SRGN: variants seen among roughly 807,000 people sequenced by gnomAD.
The protein encoded by SRGN is hematopoetic proteoglycan core peptide.
In SRGN, 2 loss-of-function variants were observed where a neutral mutation model predicts 9.5. The observed-to-expected ratio is 0.21, with a 90% CI of 0.09 to 0.66. The LOEUF is 0.66. SRGN is among the 30% of genes least tolerant of loss of function. The pLI is 0.83. For synonymous variants in SRGN, 59 were observed against 72.3 expected, an observed-to-expected ratio of 0.82 and a Z score of 0.93; for missense variants, 170 against 192.4, an observed-to-expected ratio of 0.88 and a Z score of 0.69.
intron 1 of SRGN, among the ~76,000 whole-genome samples, chr10:69,090,323 G>A (rs757403311): frequency 2.0e-5 from 3 of 152,158 alleles, no homozygotes; most frequent in Non-Finnish European, 4.4e-5. Context: ...CTAGGCTTTT[G>A]GCTTGCTTTT....
chr10:69,099,136 T>C (rs1302870903), intron 2 of SRGN, among the ~76,000 whole-genome samples: 1 of 152,152 alleles, frequency 6.6e-6, no homozygotes, highest in African/African-American at 2.4e-5. Flanking sequence ...CAATGAATAC[T>C]AAAGCTATGT....
intron 2 of SRGN, among the ~76,000 whole-genome samples, chr10:69,100,778 C>T (rs538842291): frequency 2.6e-5 from 4 of 152,068 alleles, no homozygotes; most frequent in South Asian, 2.1e-4. Flanking sequence ...GAGGCAAGGA[C>T]GGGAGACTGA....
chr10:69,095,943 A>C (rs1279246669), intron 1 of SRGN, among the ~76,000 whole-genome samples: 1 of 119,962 alleles, frequency 8.3e-6, no homozygotes, highest in Admixed American at 8.8e-5. Flanking sequence ...TACATAAATA[A>C]ATCTCCTATA....
At chr10:69,100,969 T>TTTTTC (rs71035050) in intron 2 of SRGN, among the ~76,000 whole-genome samples, 66 of 148,958 alleles carry the variant, frequency 4.4e-4, no homozygotes, top group South Asian at 6.3e-4. Flanking sequence ...GGAAGTATTT[T>TTTTTC]TTTCTTTCTT....
chr10:69,094,223 C>T lies in SRGN; in HGVS notation c.80-2861C>T, dbSNP rs151142124. On this transcript the variant is annotated intron_variant, in intron 1 of 2. Coordinates refer to ENST00000242465, the MANE Select transcript of SRGN (RefSeq NM_002727.4). ...GCCTGCCTTATCCCCAGCCTCCAGG[C>T]AGTGGCAGAGTTAGCTCATTTTGGA... Among the ~76,000 whole-genome samples, 8 of 152,296 alleles carry T rather than the reference C, an allele frequency of 5.3e-5. No homozygotes were observed. The East Asian group carries it at 1.5e-3, about 29-fold the overall frequency.
At chr10:69,100,928 C>T (rs1840276448) in intron 2 of SRGN, among the ~76,000 whole-genome samples, 2 of 152,062 alleles carry the variant, frequency 1.3e-5, no homozygotes. Flanking sequence ...AAATAGACAA[C>T]CTCCTTCCAC....
chr10:69,103,941 T>C lies in SRGN; in HGVS notation c.298T>C (p.Ser100Pro), dbSNP rs548849729. The C allele has an allele frequency of 6.2e-7, 1 of 1,614,184 alleles. No homozygotes were observed. The highest frequency in any genetic ancestry group is 1.1e-5 in the South Asian group (1 of 91,082). ...SEDYSGSGFG[S>P]GSGSGSGSGS... ...GGACTACTCTGGATCAGGCTTCGGC[T>C]CCGGCTCCGGCTCTGGATCAGGATC... Residue 100 changes from serine to proline, a missense_variant, in exon 3 of 3, where the codon TCC becomes CCC. Physicochemically the swap from Ser to Pro is moderately conservative, Grantham distance 74. Transcript: ENST00000242465.
chr10:69,097,282 CGG>C (rs747588148), intron 2 of SRGN, 51 bp downstream of exon 2: 40 of 1,505,872 alleles, frequency 2.7e-5, no homozygotes, highest in Non-Finnish European at 1.8e-5. Flanking sequence ...TTATTTGAGA[CGG>C]AGTTTCACTT....
chr10:69,094,653 C>T (rs1840137111), intron 1 of SRGN, among the ~76,000 whole-genome samples: 2 of 152,078 alleles, frequency 1.3e-5, no homozygotes, highest in Admixed American at 1.3e-4. Context: ...GAAGTGCAGC[C>T]GTGCAATCTT....
At chr10:69,102,577 T>C (rs1038070521) in intron 2 of SRGN, among the ~76,000 whole-genome samples, 2 of 152,214 alleles carry the variant, frequency 1.3e-5, no homozygotes, top group Admixed American at 6.5e-5. Context: ...AAATGACTTG[T>C]AGGCTGTGAC....
intron 2 of SRGN, among the ~76,000 whole-genome samples, chr10:69,102,587 C>T (rs922419548): frequency 2.6e-5 from 4 of 152,152 alleles, no homozygotes; most frequent in Admixed American, 2.0e-4. Flanking sequence ...TAGGCTGTGA[C>T]ACTCAGCTTT....
At chr10:69,088,715 C>CT (rs111988454) in intron 1 of SRGN, among the ~76,000 whole-genome samples, 41 of 143,894 alleles carry the variant, frequency 2.8e-4, no homozygotes, top group African/African-American at 3.4e-4. Flanking sequence ...ATTTTCTTTT[C>CT]TTTTTTTTTT....
intron 2 of SRGN, among the ~76,000 whole-genome samples, chr10:69,097,711 G>A (rs186575644): frequency 4.1e-4 from 63 of 152,224 alleles, no homozygotes; most frequent in African/African-American, 1.4e-3. Context: ...ACAGGCGTGA[G>A]CCACTGCGCC....
upstream of SRGN, chr10:69,088,003 T>G (rs2132150095): frequency 1.1e-5 from 7 of 623,942 alleles, no homozygotes; most frequent in Non-Finnish European, 2.0e-5. Context: ...TGGGTTTTGA[T>G]GTGGATGTCT....
chr10:69,093,307 A>G (rs1196651934), intron 1 of SRGN, among the ~76,000 whole-genome samples: 1 of 152,240 alleles, frequency 6.6e-6, no homozygotes, highest in Non-Finnish European at 1.5e-5. Context: ...CATTGATGAT[A>G]TGTTAAAGGA....
chr10:69,090,486 A>C (rs1840029221), intron 1 of SRGN, among the ~76,000 whole-genome samples: 1 of 152,168 alleles, frequency 6.6e-6, no homozygotes, highest in Non-Finnish European at 1.5e-5. Context: ...GGCAGGGTCG[A>C]TCGCATTCTG....
Position 69,088,220 on chromosome 10 carries a change from G to A in SRGN, c.63G>A (p.Leu21=). The change falls in exon 1 of 3, where the codon CTG becomes CTA. Residue 21 remains leucine, a synonymous_variant. Transcript: ENST00000242465. ...TGGCTCTTGCCCTCATCCTGGTTCT[G>A]GAATCCTCAGTTCAAGGTAAGACTC... The part of the protein sequence containing the change: ...LVLALALILV[L]ESSVQGYPTR... 6.2e-7 allele frequency: 1 copy of A among 1,614,058 alleles called. No homozygotes were observed. The highest frequency in any genetic ancestry group is 1.1e-5 in the South Asian group (1 of 91,080).
At chr10:69,102,868 T>C (rs1840319581) in intron 2 of SRGN, among the ~76,000 whole-genome samples, 1 of 152,202 alleles carries the variant, frequency 6.6e-6, no homozygotes, top group Admixed American at 6.5e-5. Flanking sequence ...TTGTTAGAAC[T>C]TTTATGGAAA....
intron 2 of SRGN, among the ~76,000 whole-genome samples, chr10:69,103,328 A>C (rs1432781427): frequency 6.6e-6 from 1 of 151,788 alleles, no homozygotes; most frequent in Non-Finnish European, 1.5e-5. Context: ...GTGGTTCACA[A>C]GGTCAGGAGT....
Sources: gnomAD v4.1 joint callset for allele counts (sites outside exome capture counted in the v4.1 genomes callset) on GRCh38, gnomAD v4.1.1 for gene constraint, MANE v1.5 for transcripts, NCBI Gene and HGNC (gene_info 2026-07-23, HGNC 2026-07-21) for gene names.